Variants in CAV1 observed in about 807,000 individuals in gnomAD.
The protein encoded by CAV1 is caveolin-1.
A neutral mutation model predicts 16.5 loss-of-function variants in CAV1; 10 were observed. The observed-to-expected ratio is 0.61, with a 90% CI of 0.37 to 1.03. The LOEUF (loss-of-function observed/expected upper bound fraction) is 1.03, where lower values mean the gene tolerates loss of function less well. CAV1 is among the 50% of genes least tolerant of loss of function. The pLI, the probability that CAV1 is intolerant of heterozygous loss-of-function variation, is 0.01. For missense variants in CAV1, 212 were observed against 232.8 expected (o/e 0.91, Z 0.58); for synonymous variants, 76 against 85.1 (o/e 0.89, Z 0.59).
chr7:116,528,702 A>G (rs557588659), intron 2 of CAV1, among the ~76,000 whole-genome samples: 1 of 152,326 alleles, frequency 6.6e-6, no homozygotes, highest in South Asian at 2.1e-4. Flanking sequence ...ATGTATCCTC[A>G]AGTCCAAGCA....
intron 1 of CAV1, chr7:116,525,860 T>C (rs967374000): frequency 2.4e-5 from 24 of 990,794 alleles, no homozygotes; most frequent in Admixed American, 5.7e-5. Flanking sequence ...CCGCCAAAAA[T>C]GGGGACTTTC....
At chr7:116,555,412 C>T (rs986667627) in intron 2 of CAV1, among the ~76,000 whole-genome samples, 2 of 146,200 alleles carry the variant, frequency 1.4e-5, no homozygotes, top group Admixed American at 7.0e-5. Flanking sequence ...GCACTCTAGC[C>T]TGGATGACAG....
chr7:116,526,459 G>T, intron 1 of CAV1, 66 bp from the exon 2 acceptor site: 1 of 1,608,106 alleles, frequency 6.2e-7, no homozygotes. Context: ...TTTTCTTTTT[G>T]CATTTTTCCT....
intron 2 of CAV1, among the ~76,000 whole-genome samples, chr7:116,537,009 CAAAA>C (rs753949130): frequency 6.8e-4 from 42 of 61,470 alleles, no homozygotes; most frequent in Admixed American, 1.6e-3. Flanking sequence ...GACTCCGTCT[CAAAA>C]AAAAAAAAAA....
chr7:116,544,966 A>G (rs958445200), intron 2 of CAV1, among the ~76,000 whole-genome samples: 1 of 152,182 alleles, frequency 6.6e-6, no homozygotes, highest in Non-Finnish European at 1.5e-5. Flanking sequence ...TCCATCCTCA[A>G]AACGTAGACG....
rs1270272931 is a variant in CAV1, at chr7:116,559,151, T to C, written c.401T>C (p.Ile134Thr). The C allele has an allele frequency of 6.2e-7, 1 of 1,614,002 alleles. No individual in the cohort carries two copies. The highest frequency in any genetic ancestry group is 8.5e-7 in the Non-Finnish European group (1 of 1,179,934). Residue 134 changes from isoleucine (I) to threonine (T), a missense_variant, in exon 3 of 3, where the codon ATT (isoleucine) becomes ACT (threonine). Coordinates refer to ENST00000341049, the MANE Select transcript of CAV1 (RefSeq NM_001753.5). ...CACATCTGGGCAGTTGTACCATGCA[T>C]TAAGAGCTTCCTGATTGAGATTCAG... ...FLHIWAVVPC[I>T]KSFLIEIQCI...
chr7:116,556,709 C>T (rs3807990), intron 2 of CAV1, among the ~76,000 whole-genome samples: 42,208 of 151,990 alleles, frequency 0.28, 6,128 homozygotes, highest in African/African-American at 0.36. Flanking sequence ...CCTCTGCTCC[C>T]GGTAAATTGC....
intron 2 of CAV1, among the ~76,000 whole-genome samples, chr7:116,545,749 T>C (rs1794032122): frequency 6.6e-6 from 1 of 152,248 alleles, no homozygotes; most frequent in African/African-American, 2.4e-5. Flanking sequence ...CTGAAAATGA[T>C]GAAGACATTT....
intron 2 of CAV1, among the ~76,000 whole-genome samples, chr7:116,529,674 A>G (rs1327167840): frequency 6.6e-6 from 1 of 152,204 alleles, no homozygotes; most frequent in East Asian, 1.9e-4. Context: ...GTGCAGCATT[A>G]TTACCTATTT....
At position 116,559,548 on chromosome 7, in the gene CAV1, T is replaced by C. The variant is rs1794363597; in HGVS notation, c.*261T>C. On this transcript the variant is annotated 3_prime_UTR_variant, in exon 3 of 3. Coordinates refer to ENST00000341049, the MANE Select transcript of CAV1 (RefSeq NM_001753.5). ...TATTTGCATGTGGATCAACCATCGC[T>C]TTATTGGCTGAGATATGAACATATT... 1 of 592,824 alleles carries C rather than the reference T, an allele frequency of 1.7e-6. No individual in the cohort carries two copies. Among genetic ancestry groups the C allele is most frequent in the Non-Finnish European group, 3.0e-6 (1 of 336,788 alleles). The allele number at this position is 592,824 out of a possible 1,614,324, so 36.7% of individuals were successfully genotyped here. A position where few individuals can be genotyped will look rare whatever the true frequency, so the allele number is the denominator to read the frequency against.
intron 2 of CAV1, among the ~76,000 whole-genome samples, chr7:116,554,030 A>T (rs924207425): frequency 6.6e-6 from 1 of 152,224 alleles, no homozygotes; most frequent in African/African-American, 2.4e-5. Flanking sequence ...CTGCCATAAA[A>T]TGGGAAGATA....
Position 116,526,639 on chromosome 7 carries a change from A to G in CAV1, c.145A>G (p.Ile49Val). The change falls in exon 2 of 3, where the codon ATC (isoleucine) becomes GTC (valine). Residue 49 changes from isoleucine (I) to valine (V), a missense_variant. Ile to Val is a conservative substitution (Grantham distance 29). Transcript: ENST00000341049. The part of the protein sequence containing the change: ...KQVYDAHTKE[I>V]DLVNRDPKHL... Reference sequence around the variant, plus strand: ...AGTGTACGACGCGCACACCAAGGAGATCGACCTGGTCAACCGCGACCCTAA... The same window carrying G: ...AGTGTACGACGCGCACACCAAGGAGGTCGACCTGGTCAACCGCGACCCTAA... The G allele has an allele frequency of 6.2e-7, 1 of 1,614,118 alleles. No homozygotes were observed. Among genetic ancestry groups the G allele is most frequent in the Non-Finnish European group, 8.5e-7 (1 of 1,180,016 alleles).
intron 2 of CAV1, among the ~76,000 whole-genome samples, chr7:116,530,278 T>C (rs1793660581): frequency 1.3e-5 from 2 of 151,338 alleles, no homozygotes; most frequent in Non-Finnish European, 2.9e-5. Context: ...GTTTCATTAA[T>C]TCATGTTCCC....
chr7:116,527,810 G>A (rs372195725), intron 2 of CAV1, among the ~76,000 whole-genome samples: 45 of 151,882 alleles, frequency 3.0e-4, no homozygotes, highest in East Asian at 1.7e-3. Flanking sequence ...TTCACAAACC[G>A]TTTACATTCA....
chr7:116,553,177 C>A (rs1022436), intron 2 of CAV1, among the ~76,000 whole-genome samples: 4 of 151,930 alleles, frequency 2.6e-5, no homozygotes, highest in African/African-American at 9.7e-5. Context: ...AGAAAAGATT[C>A]TATATTTTAA....
intron 1 of CAV1, chr7:116,525,916 G>T: frequency 1.2e-6 from 1 of 861,606 alleles, no homozygotes; most frequent in Non-Finnish European, 1.4e-6. Context: ...AGCCGTGGAG[G>T]GACAAGAGAG....
chr7:116,541,387 C>T (rs972423280), intron 2 of CAV1, among the ~76,000 whole-genome samples: 3 of 152,148 alleles, frequency 2.0e-5, no homozygotes, highest in African/African-American at 7.2e-5. Context: ...AAAAGCACTG[C>T]TCAGACGCAA....
intron 2 of CAV1, among the ~76,000 whole-genome samples, chr7:116,529,941 T>C (rs1295540413): frequency 6.6e-6 from 1 of 152,220 alleles, no homozygotes; most frequent in African/African-American, 2.4e-5. Flanking sequence ...ATGTTTATTA[T>C]GTACTTATTT....
chr7:116,551,437 T>C (rs1219890775), intron 2 of CAV1, among the ~76,000 whole-genome samples: 2 of 152,252 alleles, frequency 1.3e-5, no homozygotes, highest in Non-Finnish European at 2.9e-5. Context: ...GTATGAATTC[T>C]AGAAAGTTGT....
Sources: gnomAD v4.1 joint callset for allele counts (sites outside exome capture counted in the v4.1 genomes callset) on GRCh38, gnomAD v4.1.1 for gene constraint, MANE v1.5 for transcripts, NCBI Gene and HGNC (gene_info 2026-07-23, HGNC 2026-07-21) for gene names.